FHIT: variants seen among roughly 807,000 people sequenced by gnomAD.
The protein encoded by FHIT is bis(5'-adenosyl)-triphosphatase.
FHIT carries 19 observed loss-of-function variants against 17.9 expected under a neutral mutation model. That is an observed-to-expected ratio of 1.06 (90% CI 0.74 to 1.56). The LOEUF (loss-of-function observed/expected upper bound fraction) is 1.56, where lower values mean the gene tolerates loss of function less well. Among genes scored for constraint, FHIT ranks in the 40% most tolerant of loss-of-function variants. The probability of loss-of-function intolerance (pLI) is 0.00; values close to 1 mark genes in which losing one functional copy is unlikely to be tolerated. For synonymous variants in FHIT, 81 were observed against 69.7 expected (o/e 1.16, Z -0.81); for missense variants, 248 against 189.2 (o/e 1.31, Z -1.82).
intron 3 of FHIT, among the ~76,000 whole-genome samples, chr3:60,972,773 T>A (rs992925492): frequency 1.3e-5 from 2 of 152,184 alleles, no homozygotes; most frequent in African/African-American, 4.8e-5. Context: ...TCCACTCTGC[T>A]TTAATCTGGA....
intron 3 of FHIT, among the ~76,000 whole-genome samples, chr3:60,979,400 T>A (rs941827995): frequency 6.6e-6 from 1 of 152,148 alleles, no homozygotes; most frequent in South Asian, 2.1e-4. Flanking sequence ...ATCAGCAGAC[T>A]GAACAAAGCG....
Position 60,014,061 on chromosome 3 carries a change from G to C in FHIT, c.195C>G (p.Val65=), listed in dbSNP as rs372632734. 16 of 1,613,870 alleles carry C rather than the reference G, an allele frequency of 9.9e-6. No homozygotes were observed. The highest frequency in any genetic ancestry group is 1.4e-5 in the Non-Finnish European group (16 of 1,179,958). ...VADLFQTTQR[V]GTVVEKHFHG... ...GGAAATGTTTTTCCACCACTGTCCC[G>C]ACTCTCTGGGTCGTCTGAAACAAAT... The change falls in exon 6 of 10, where the codon GTC becomes GTG. Residue 65 remains valine, a synonymous_variant. Transcript: ENST00000492590.
chr3:60,019,867 T>C (rs1438313884), intron 5 of FHIT, among the ~76,000 whole-genome samples: 3 of 152,204 alleles, frequency 2.0e-5, no homozygotes, highest in Non-Finnish European at 2.9e-5. Flanking sequence ...CAACCAAAGC[T>C]CTTTCTGTTA....
chr3:60,323,266 A>G (rs1458201431), intron 5 of FHIT, among the ~76,000 whole-genome samples: 2 of 152,144 alleles, frequency 1.3e-5, no homozygotes, highest in Non-Finnish European at 2.9e-5. Flanking sequence ...TGATATCTAC[A>G]TAACGTCAAG....
chr3:59,803,328 C>T (rs1403580357), intron 8 of FHIT, among the ~76,000 whole-genome samples: 2 of 152,156 alleles, frequency 1.3e-5, no homozygotes, highest in Non-Finnish European at 2.9e-5. Flanking sequence ...ACCTTACAGG[C>T]GAGCACGGGG....
chr3:60,746,298 C>G (rs1453446114), intron 4 of FHIT, among the ~76,000 whole-genome samples: 1 of 152,110 alleles, frequency 6.6e-6, no homozygotes, highest in Non-Finnish European at 1.5e-5. Context: ...ACATGGCTTT[C>G]CAGAAGTTTA....
At chr3:60,335,156 A>T (rs1277398060) in intron 5 of FHIT, among the ~76,000 whole-genome samples, 2 of 152,212 alleles carry the variant, frequency 1.3e-5, no homozygotes, top group African/African-American at 4.8e-5. Context: ...TGTAAAGGAA[A>T]AAATAAAGTA....
At chr3:60,199,511 A>T (rs1559720897) in intron 5 of FHIT, among the ~76,000 whole-genome samples, 1 of 152,100 alleles carries the variant, frequency 6.6e-6, no homozygotes, top group Non-Finnish European at 1.5e-5. Flanking sequence ...GGAATGTTCC[A>T]AATGTCATGT....
At chr3:60,862,243 A>G (rs1703946845) in intron 3 of FHIT, among the ~76,000 whole-genome samples, 1 of 151,964 alleles carries the variant, frequency 6.6e-6, no homozygotes, top group Non-Finnish European at 1.5e-5. Flanking sequence ...CGGCAGTGAG[A>G]TCATAGTTCA....
chr3:60,904,480 C>CAAAA (rs36117889), intron 3 of FHIT, among the ~76,000 whole-genome samples: 1 of 136,420 alleles, frequency 7.3e-6, no homozygotes, highest in African/African-American at 2.8e-5. Context: ...AATCCAAATG[C>CAAAA]AAAAAAAAAA....
At chr3:60,441,784 AT>A (rs1213226762) in intron 5 of FHIT, among the ~76,000 whole-genome samples, 1 of 27,658 alleles carries the variant, frequency 3.6e-5, no homozygotes, top group African/African-American at 1.0e-4. Context: ...ATGTATAAAA[AT>A]ATATATATAT....
intron 5 of FHIT, among the ~76,000 whole-genome samples, chr3:60,470,404 C>T (rs2033027955): frequency 6.6e-6 from 1 of 152,082 alleles, no homozygotes; most frequent in Admixed American, 6.5e-5. Flanking sequence ...TCTACCGCAG[C>T]TAAGCTGGCA....
At chr3:61,041,049 G>T (rs2033484847) in intron 3 of FHIT, among the ~76,000 whole-genome samples, 2 of 152,084 alleles carry the variant, frequency 1.3e-5, no homozygotes, top group Non-Finnish European at 1.5e-5. Flanking sequence ...ACTCAGTTTA[G>T]AACTTACTAA....
At chr3:60,689,274 A>C (rs2040932437) in intron 4 of FHIT, among the ~76,000 whole-genome samples, 1 of 152,188 alleles carries the variant, frequency 6.6e-6, no homozygotes, top group African/African-American at 2.4e-5. Flanking sequence ...TGAATTGCCC[A>C]GTCTCAGGTA....
chr3:60,830,541 T>A (rs1702294407), intron 3 of FHIT, among the ~76,000 whole-genome samples: 1 of 152,210 alleles, frequency 6.6e-6, no homozygotes, highest in African/African-American at 2.4e-5. Context: ...GTCACAATTT[T>A]AATTAATGTC....
chr3:60,918,996 G>T (rs1707146435), intron 3 of FHIT, among the ~76,000 whole-genome samples: 1 of 152,100 alleles, frequency 6.6e-6, no homozygotes, highest in Non-Finnish European at 1.5e-5. Flanking sequence ...GTAAAAAAAA[G>T]GGAGTTGCTT....
intron 4 of FHIT, among the ~76,000 whole-genome samples, chr3:60,804,666 T>A (rs1233498786): frequency 1.3e-5 from 2 of 152,228 alleles, no homozygotes; most frequent in Non-Finnish European, 2.9e-5. Flanking sequence ...AGAAAAAATT[T>A]CCCTTTGCAT....
At chr3:61,182,872 C>T (rs1420078543) in intron 2 of FHIT, among the ~76,000 whole-genome samples, 1 of 152,150 alleles carries the variant, frequency 6.6e-6, no homozygotes, top group Non-Finnish European at 1.5e-5. Context: ...AGAGGAAGTC[C>T]TCTGTACTGT....
intron 5 of FHIT, among the ~76,000 whole-genome samples, chr3:60,177,475 G>C (rs1701732417): frequency 6.6e-6 from 1 of 152,140 alleles, no homozygotes; most frequent in African/African-American, 2.4e-5. Context: ...AAAAACAAGT[G>C]AGGTAAAAGG....
Sources: gnomAD v4.1 joint callset for allele counts (sites outside exome capture counted in the v4.1 genomes callset) on GRCh38, gnomAD v4.1.1 for gene constraint, MANE v1.5 for transcripts, NCBI Gene and HGNC (gene_info 2026-07-23, HGNC 2026-07-21) for gene names.